Variants in TUFT1 observed in about 807,000 individuals in gnomAD.
TUFT1 encodes tuftelin 1.
Under a neutral mutation model 57.8 loss-of-function variants are expected in TUFT1, and 43 were observed. The observed-to-expected ratio is 0.74, with a 90% CI of 0.58 to 0.96. TUFT1 has a LOEUF of 0.96. TUFT1 is among the 40% of genes least tolerant of loss of function. The pLI, the probability that TUFT1 is intolerant of heterozygous loss-of-function variation, is 0.00. For synonymous variants in TUFT1, 166 were observed against 176.7 expected (o/e 0.94, Z 0.48); for missense variants, 459 against 489.0 (o/e 0.94, Z 0.58).
intron 1 of TUFT1, among the ~76,000 whole-genome samples, chr1:151,555,130 C>G (rs1055848951): frequency 1.7e-4 from 26 of 149,376 alleles, no homozygotes; most frequent in African/African-American, 6.2e-4. Flanking sequence ...GAGTTCAAGA[C>G]CAGCCTGGGC....
chr1:151,562,604 C>T lies in TUFT1; in HGVS notation c.155C>T (p.Ala52Val), dbSNP rs1188798898. The T allele has an allele frequency of 6.2e-7, 1 of 1,612,286 alleles. No individual in the cohort carries two copies. The highest frequency in any genetic ancestry group is 8.5e-7 in the Non-Finnish European group (1 of 1,179,910). The change falls in exon 3 of 13, where the codon GCC becomes GTC. Residue 52 changes from alanine (A) to valine (V), a missense_variant. Transcript: ENST00000368849. ...IAQKAGRKTY[A>V]MVSSHSAGHS... ...GGCCAGGCGGGCAGGAAGACCTATG[C>T]CATGGTGTCCAGCCACTCAGCTGGT...
At chr1:151,573,271 TG>T (rs1422469006) in intron 7 of TUFT1, among the ~76,000 whole-genome samples, 2 of 152,144 alleles carry the variant, frequency 1.3e-5, no homozygotes, top group Non-Finnish European at 2.9e-5. Flanking sequence ...GTGTGTTCCT[TG>T]TATGTCCTCT....
chr1:151,581,403 AGTT>A (rs1234011210), intron 12 of TUFT1, among the ~76,000 whole-genome samples: 1 of 152,218 alleles, frequency 6.6e-6, no homozygotes, highest in Non-Finnish European at 1.5e-5. Context: ...TCCACTTCTC[AGTT>A]GTTTAACTGC....
At chr1:151,552,475 G>A (rs1412722224) in intron 1 of TUFT1, among the ~76,000 whole-genome samples, 4 of 152,084 alleles carry the variant, frequency 2.6e-5, no homozygotes, top group Admixed American at 2.0e-4. Flanking sequence ...AAGCCGAGGC[G>A]GGTGGATTAC....
intron 9 of TUFT1, among the ~76,000 whole-genome samples, chr1:151,575,391 G>T (rs565423495): frequency 6.6e-6 from 1 of 152,240 alleles, no homozygotes; most frequent in East Asian, 1.9e-4. Flanking sequence ...CTGTTTGAGG[G>T]TAAAATTGAT....
At chr1:151,559,629 A>G (rs1300125520) in intron 1 of TUFT1, among the ~76,000 whole-genome samples, 1 of 152,124 alleles carries the variant, frequency 6.6e-6, no homozygotes, top group Non-Finnish European at 1.5e-5. Context: ...CTTTTATTTC[A>G]TAGGAATTAA....
intron 4 of TUFT1, 151 bp downstream of exon 4, chr1:151,564,141 T>C: frequency 3.1e-6 from 2 of 649,804 alleles, no homozygotes; most frequent in South Asian, 4.0e-5. Context: ...GTGTCAAATA[T>C]ATAACTTTTG....
At chr1:151,565,293 T>C (rs993906502) in intron 5 of TUFT1, among the ~76,000 whole-genome samples, 2 of 152,246 alleles carry the variant, frequency 1.3e-5, no homozygotes, top group Non-Finnish European at 2.9e-5. Context: ...GACAGAAATG[T>C]CCTCAGGAGA....
In TUFT1 at chr1:151,562,076, C is replaced by T; in HGVS notation, c.61-15C>T. 6.2e-7 allele frequency: 1 copy of T among 1,613,408 alleles called. No homozygotes were observed. Among genetic ancestry groups the T allele is most frequent in the South Asian group, 1.1e-5 (1 of 91,042 alleles). ...AAAGTTGAGGGGTTATTGTTGCTGT[C>T]ATTGTCATTATTAGGGCAGCGTGGA... On this transcript the variant is annotated splice_polypyrimidine_tract_variant and intron_variant, in intron 1 of 12. Coordinates refer to ENST00000368849, the MANE Select transcript of TUFT1 (RefSeq NM_020127.3).
At chr1:151,580,774 C>G (rs1666623669) in intron 11 of TUFT1, among the ~76,000 whole-genome samples, 168 bp from the exon 12 acceptor site, 1 of 151,530 alleles carries the variant, frequency 6.6e-6, no homozygotes, top group Non-Finnish European at 1.5e-5. Context: ...TAAGCGCAAT[C>G]TATGGTAATG....
Position 151,581,051 on chromosome 1 carries a change from G to A in TUFT1, c.1109+9G>A. The A allele has an allele frequency of 6.2e-7, 1 of 1,613,676 alleles. No individual in the cohort carries two copies. Among genetic ancestry groups the A allele is most frequent in the Non-Finnish European group, 8.5e-7 (1 of 1,179,654 alleles). ...ACAGAGAACCCGGGCAGGTGAGTGA[G>A]CGTGTGTAGATAGAATGGGGCCAGG... On this transcript the variant is annotated intron_variant, in intron 12 of 12. Coordinates refer to ENST00000368849, the MANE Select transcript of TUFT1 (RefSeq NM_020127.3).
chr1:151,542,873 AT>A (rs1665211188), intron 1 of TUFT1, among the ~76,000 whole-genome samples: 1 of 152,176 alleles, frequency 6.6e-6, no homozygotes, highest in African/African-American at 2.4e-5. Context: ...TGCAGACAGA[AT>A]TTATGGCTCT....
chr1:151,557,886 C>G (rs1012723680), intron 1 of TUFT1: 1 of 718,116 alleles, frequency 1.4e-6, no homozygotes, highest in Non-Finnish European at 2.6e-6. Context: ...GGTCAGCAAC[C>G]GAATTCCAGT....
intron 7 of TUFT1, among the ~76,000 whole-genome samples, chr1:151,572,086 A>G (rs1280355997): frequency 6.6e-6 from 1 of 152,168 alleles, no homozygotes; most frequent in Non-Finnish European, 1.5e-5. Flanking sequence ...CTGTGGTTCC[A>G]GCTACTTGGA....
chr1:151,581,669 C>G lies in TUFT1; in HGVS notation c.1135C>G (p.Pro379Ala), dbSNP rs371058227. ...GSIRISKPPS[P>A]KPMPVIRVVE... ...TATTAGGATATCCAAGCCGCCTAGCCCGAAGCCCATGCCTGTCATCCGAGT... is the reference window on the plus strand; with the variant it reads ...TATTAGGATATCCAAGCCGCCTAGCGCGAAGCCCATGCCTGTCATCCGAGT... Residue 379 changes from proline to alanine, a missense_variant, in exon 13 of 13, where the codon CCG becomes GCG. Coordinates refer to ENST00000368849, the MANE Select transcript of TUFT1 (RefSeq NM_020127.3). 3.7e-6 allele frequency: 6 copies of G among 1,614,122 alleles called. No individual in the cohort carries two copies. The African/African-American group carries it at 8.0e-5, about 22-fold the overall frequency.
In TUFT1 at chr1:151,582,874, A is replaced by G. The variant is rs1000011730; in HGVS notation, c.*1167A>G. 12 of 151,764 alleles carry G rather than the reference A, an allele frequency of 7.9e-5. No individual in the cohort carries two copies. Among genetic ancestry groups the G allele is most frequent in the Admixed American group, 3.3e-4 (5 of 15,256 alleles). The allele number at this position is 151,764 out of a possible 1,614,324, so 9.4% of individuals were successfully genotyped here. A position where few individuals can be genotyped will look rare whatever the true frequency, so the allele number is the denominator to read the frequency against. On this transcript the variant is annotated 3_prime_UTR_variant, in exon 13 of 13. Transcript: ENST00000368849. ...CTAGCCCTTCTGAACCCCTTGCTCC[A>G]TAATTGGTCTTTTATCCTGGCTCTG...
intron 1 of TUFT1, among the ~76,000 whole-genome samples, chr1:151,556,011 C>G (rs12753658): frequency 1.8e-4 from 28 of 151,808 alleles, no homozygotes; most frequent in Admixed American, 1.8e-3. Flanking sequence ...TCCTCCCCCC[C>G]ACTTTCTTCT....
chr1:151,562,148 G>C lies in TUFT1; in HGVS notation c.118G>C (p.Glu40Gln). ...GGGTGAACTGACAGGAGATGAACTT[G>C]AACACATAGCCCAGAAGGTACTGCG... ...LQGELTGDEL[E>Q]HIAQKAGRKT... The change falls in exon 2 of 13, where the codon GAA becomes CAA. Residue 40 changes from glutamate to glutamine, a missense_variant. Transcript: ENST00000368849. 6.2e-7 allele frequency: 1 copy of C among 1,614,126 alleles called. No individual in the cohort carries two copies. The highest frequency in any genetic ancestry group is 2.2e-5 in the East Asian group (1 of 44,886).
At position 151,556,767 on chromosome 1, in the gene TUFT1, C is replaced by T. The variant is rs140333700; in HGVS notation, c.61-5324C>T. On this transcript the variant is annotated intron_variant, in intron 1 of 12. Transcript: ENST00000368849. ...GATGGATCACTTGAGGTCAGGAGTT[C>T]GAGACCAGCCTGGCCAACATGGTGA... 4.0e-3 allele frequency among the ~76,000 whole-genome samples: 615 copies of T among 152,144 alleles called. 7 individuals carry two copies. The highest frequency in any genetic ancestry group is 0.013 in the African/African-American group (536 of 41,520).
Sources: allele counts gnomAD v4.1 joint callset (sites outside exome capture counted in the v4.1 genomes callset), GRCh38; gene constraint gnomAD v4.1.1; transcripts MANE v1.5; gene names NCBI Gene and HGNC (gene_info 2026-07-23, HGNC 2026-07-21).